The following SNAPC3 variants were observed in gnomAD, a reference collection of about 807,000 sequenced individuals.
SNAPC3 encodes snRNA-activating protein complex subunit 3.
In SNAPC3, 56 loss-of-function variants were observed where a neutral mutation model predicts 47.7. The observed-to-expected ratio is 1.18, with a 90% CI of 0.95 to 1.47. The LOEUF is 1.47. Among genes scored for constraint, SNAPC3 ranks in the 40% most tolerant of loss-of-function variants. The pLI is 0.00. For missense variants in SNAPC3, 665 were observed against 511.3 expected (o/e 1.30, Z -2.90); for synonymous variants, 235 against 189.9 (o/e 1.24, Z -1.95).
At chr9:15,463,380 G>C (rs997155383), downstream of SNAPC3, 3 of 150,818 alleles carry the variant, frequency 2.0e-5, no homozygotes, top group African/African-American at 7.3e-5. Flanking sequence ...ACGTGCCACT[G>C]CGCCCGGCTG....
intron 3 of SNAPC3, among the ~76,000 whole-genome samples, chr9:15,443,292 CTT>C (rs2131865951): frequency 6.6e-6 from 1 of 152,294 alleles, no homozygotes; most frequent in African/African-American, 2.4e-5. Context: ...TTAATTGACA[CTT>C]TGACTAGTAA....
At chr9:15,454,349 C>G (rs952682093) in intron 7 of SNAPC3, among the ~76,000 whole-genome samples, 1 of 152,172 alleles carries the variant, frequency 6.6e-6, no homozygotes, top group African/African-American at 2.4e-5. Context: ...TCTCAGGAAA[C>G]TATCAGAAGA....
chr9:15,452,682 C>G (rs1422379212), intron 6 of SNAPC3, among the ~76,000 whole-genome samples: 2 of 152,184 alleles, frequency 1.3e-5, no homozygotes, highest in African/African-American at 2.4e-5. Flanking sequence ...TGGGTTATAA[C>G]TATCACTATT....
At chr9:15,458,465 C>T (rs1432394431) in intron 8 of SNAPC3, among the ~76,000 whole-genome samples, 1 of 152,168 alleles carries the variant, frequency 6.6e-6, no homozygotes, top group African/African-American at 2.4e-5. Context: ...CCAAAGAAAA[C>T]CTTGTTTAAT....
At chr9:15,459,364 T>A (rs536690683) in intron 8 of SNAPC3, among the ~76,000 whole-genome samples, 1 of 152,310 alleles carries the variant, frequency 6.6e-6, no homozygotes, top group Non-Finnish European at 1.5e-5. Context: ...TTGCCATGGT[T>A]TTTCAAGATG....
chr9:15,436,034 G>A (rs562055275), intron 3 of SNAPC3, among the ~76,000 whole-genome samples: 1 of 151,964 alleles, frequency 6.6e-6, no homozygotes, highest in South Asian at 2.1e-4. Context: ...AGTAGAGATG[G>A]GGTTTCACCA....
At chr9:15,457,421 C>T (rs1393353703) in intron 7 of SNAPC3, among the ~76,000 whole-genome samples, 1 of 151,972 alleles carries the variant, frequency 6.6e-6, no homozygotes, top group East Asian at 1.9e-4. Context: ...ATAGTGAGAC[C>T]GTGTCTCTAC....
intron 5 of SNAPC3, 107 bp downstream of exon 5, chr9:15,447,351 G>A (rs1482888976): frequency 1.1e-6 from 1 of 946,002 alleles, no homozygotes; most frequent in Non-Finnish European, 1.6e-6. Context: ...CTTCTCCTGC[G>A]GGATTCCATC....
At chr9:15,434,650 C>T (rs902064298) in intron 3 of SNAPC3, among the ~76,000 whole-genome samples, 3 of 152,144 alleles carry the variant, frequency 2.0e-5, no homozygotes, top group Non-Finnish European at 4.4e-5. Context: ...AAGCAATCTG[C>T]CTACTTCGGC....
intron 2 of SNAPC3, among the ~76,000 whole-genome samples, chr9:15,425,702 A>G (rs62570969): frequency 0.049 from 7,442 of 152,194 alleles, 188 homozygotes; most frequent in South Asian, 0.068. Context: ...CCTTGCTCCA[A>G]TTGGTGCTCT....
chr9:15,430,714 C>G (rs903507767), intron 2 of SNAPC3, among the ~76,000 whole-genome samples: 1 of 152,050 alleles, frequency 6.6e-6, no homozygotes, highest in African/African-American at 2.4e-5. Flanking sequence ...TTTGAAATAC[C>G]TTAAATATAC....
At chr9:15,434,072 T>G (rs1031561957) in intron 3 of SNAPC3, among the ~76,000 whole-genome samples, 4 of 144,406 alleles carry the variant, frequency 2.8e-5, no homozygotes, top group African/African-American at 1.2e-4. Flanking sequence ...TGCTAGGCAC[T>G]GTGCTGGCAC....
intron 3 of SNAPC3, among the ~76,000 whole-genome samples, chr9:15,444,160 G>A (rs1339917301): frequency 6.6e-6 from 1 of 152,172 alleles, no homozygotes; most frequent in Non-Finnish European, 1.5e-5. Flanking sequence ...AGGGTTTAGA[G>A]CCAAACAAAT....
intron 4 of SNAPC3, among the ~76,000 whole-genome samples, chr9:15,445,197 A>G (rs1385877853): frequency 2.0e-5 from 3 of 152,208 alleles, no homozygotes; most frequent in Admixed American, 6.5e-5. Flanking sequence ...AATAAGGTCA[A>G]ATTTCAAACA....
intron 3 of SNAPC3, among the ~76,000 whole-genome samples, chr9:15,438,545 T>C (rs2033034733): frequency 6.6e-6 from 1 of 152,152 alleles, no homozygotes; most frequent in African/African-American, 2.4e-5. Context: ...ATCTAGTTAT[T>C]GAGATTGTTC....
At chr9:15,465,552 T>G (rs756732844), downstream of SNAPC3, 3 of 1,585,704 alleles carry the variant, frequency 1.9e-6, no homozygotes, top group Non-Finnish European at 2.6e-6. Flanking sequence ...TTCAGAGATA[T>G]TTCAGTCTCT....
chr9:15,433,755 C>G, intron 3 of SNAPC3, 119 bp downstream of exon 3: 1 of 571,942 alleles, frequency 1.7e-6, no homozygotes, highest in Non-Finnish European at 3.0e-6. Flanking sequence ...TGAAAACAAA[C>G]TAGAGAAACT....
intron 3 of SNAPC3, among the ~76,000 whole-genome samples, chr9:15,441,726 T>G (rs1563846260): frequency 1.3e-5 from 2 of 152,204 alleles, no homozygotes; most frequent in South Asian, 4.2e-4. Flanking sequence ...GGTTATAGAT[T>G]AACAGCATCC....
At chr9:15,457,381 G>C in intron 7 of SNAPC3, among the ~76,000 whole-genome samples, 1 of 152,114 alleles carries the variant, frequency 6.6e-6, no homozygotes, top group Non-Finnish European at 1.5e-5. Flanking sequence ...GATCGCTTGA[G>C]ACCAGGAGTT....
Sources: allele counts gnomAD v4.1 joint callset (sites outside exome capture counted in the v4.1 genomes callset), GRCh38; gene constraint gnomAD v4.1.1; transcripts MANE v1.5; gene names NCBI Gene and HGNC (gene_info 2026-07-23, HGNC 2026-07-21).